Variants in LCORL observed in about 807,000 individuals in gnomAD.
The protein encoded by LCORL is ligand dependent nuclear receptor corepressor like.
A neutral mutation model predicts 141.8 loss-of-function variants in LCORL; 41 were observed. The observed-to-expected ratio is 0.29, with a 90% CI of 0.23 to 0.38. The LOEUF (loss-of-function observed/expected upper bound fraction) is 0.38. LCORL is among the 10% of genes least tolerant of loss of function. The pLI is 1.00. For missense variants in LCORL, 1,759 were observed against 2,035.0 expected (o/e 0.86, Z 2.61); for synonymous variants, 618 against 694.1 (o/e 0.89, Z 1.72).
intron 6 of LCORL, chr4:17,880,613 T>C: frequency 1.0e-6 from 1 of 981,770 alleles, no homozygotes; most frequent in Non-Finnish European, 1.2e-6. Flanking sequence ...TTTCTTTTCT[T>C]TTCTTTTTTT....
chr4:17,893,517 T>A (rs968726898), intron 5 of LCORL: 2 of 985,256 alleles, frequency 2.0e-6, no homozygotes, highest in Non-Finnish European at 2.4e-6. Context: ...GTGTGTTTTG[T>A]GCACAGGTAG....
At chr4:17,981,147 A>C (rs1044698133) in intron 1 of LCORL, among the ~76,000 whole-genome samples, 5 of 152,220 alleles carry the variant, frequency 3.3e-5, no homozygotes, top group African/African-American at 1.2e-4. Context: ...TTGTTATTAC[A>C]AACATTGCTG....
At chr4:17,862,953 G>A (rs757246199) in intron 7 of LCORL, among the ~76,000 whole-genome samples, 1 of 151,966 alleles carries the variant, frequency 6.6e-6, no homozygotes, top group Non-Finnish European at 1.5e-5. Flanking sequence ...CCATGCATCT[G>A]GCAAAGGTCT....
At position 17,871,299 on chromosome 4, in the gene LCORL, A is replaced by C. The variant is rs550588867; in HGVS notation, c.5602+2089T>G. On this transcript the variant is annotated intron_variant, in intron 7 of 7. Coordinates refer to ENST00000635767, the Ensembl canonical transcript of LCORL. The stretch of plus-strand genomic sequence containing the variant: ...GAAAGTTATCAGTGAAAGATAGATA[A>C]AACTTTAAGCAGAACAGGAAATAGT... Among the ~76,000 whole-genome samples the C allele has an allele frequency of 8.5e-5, 13 of 152,108 alleles. No homozygotes were observed. The East Asian group carries it at 2.5e-3, about 29-fold the overall frequency.
In LCORL at chr4:17,874,171, A is replaced by C. The variant is rs527297275; in HGVS notation, c.4819T>G (p.Trp1607Gly). The change falls in exon 7 of 8, where the codon TGG becomes GGG. Residue 1607 changes from tryptophan to glycine, a missense_variant. Coordinates refer to ENST00000635767, the Ensembl canonical transcript of LCORL. ...TTGTGCAGCTTTCCCTCTCTTTTCC[A>C]CCTTTCATGATGCAACCTCTTAAAC... The C allele has an allele frequency of 5.7e-5, 70 of 1,233,738 alleles. No individual in the cohort carries two copies. The African/African-American group carries it at 1.0e-3, about 18-fold the overall frequency. 76.4% of individuals were successfully genotyped at this position (1,233,738 alleles called of 1,614,324 possible). A position where few individuals can be genotyped will look rare whatever the true frequency, so the allele number is the denominator to read the frequency against.
chr4:17,967,219 C>G (rs1715065346), intron 2 of LCORL, among the ~76,000 whole-genome samples: 1 of 151,982 alleles, frequency 6.6e-6, no homozygotes, highest in South Asian at 2.1e-4. Flanking sequence ...ACTTTAGAGA[C>G]CATAAAAAAA....
chr4:17,977,122 T>C (rs1717133149), intron 1 of LCORL, among the ~76,000 whole-genome samples: 1 of 152,194 alleles, frequency 6.6e-6, no homozygotes, highest in South Asian at 2.1e-4. Context: ...ATAGAATAAT[T>C]TTTAGCTTTC....
chr4:17,995,595 C>G (rs1293342605), intron 1 of LCORL, among the ~76,000 whole-genome samples: 10 of 152,020 alleles, frequency 6.6e-5, no homozygotes. Flanking sequence ...AAGTAGAAAC[C>G]AAACTAGTCA....
chr4:17,882,475 C>T (rs1422069658), intron 6 of LCORL: 3 of 984,514 alleles, frequency 3.0e-6, no homozygotes, highest in East Asian at 2.3e-4. Flanking sequence ...AATGACCAGT[C>T]TCTCTTATGA....
rs1021314181 is a variant in LCORL at position 18,021,075 on chromosome 4, T to C, written c.154+523A>G. 6.6e-6 allele frequency among the ~76,000 whole-genome samples: 1 copy of C among 151,790 alleles called. No homozygotes were observed. The highest frequency in any genetic ancestry group is 1.9e-4 in the East Asian group (1 of 5,138). On this transcript the variant is annotated intron_variant, in intron 1 of 7. Transcript: ENST00000635767. This position sits in a 1 kb window ranked among gnomAD's most constrained non-coding sequence, Gnocchi z 5.5. ...GCGGCCCCCGCCCTGCGAGTGCCCGTGGGTCTCCAGGTCCAGGTCCCCGGG... is the reference window on the plus strand; with the variant it reads ...GCGGCCCCCGCCCTGCGAGTGCCCGCGGGTCTCCAGGTCCAGGTCCCCGGG...
At chr4:17,854,636 C>CT (rs938587755) in intron 7 of LCORL, among the ~76,000 whole-genome samples, 1 of 151,598 alleles carries the variant, frequency 6.6e-6, no homozygotes, top group Non-Finnish European at 1.5e-5. Context: ...TGAATAAATC[C>CT]TTTCTTTTGG....
intron 5 of LCORL, among the ~76,000 whole-genome samples, chr4:17,889,191 G>A (rs953634173): frequency 2.0e-5 from 3 of 152,006 alleles, no homozygotes; most frequent in Non-Finnish European, 4.4e-5. Flanking sequence ...ATCTGAATGA[G>A]CTACATATAA....
At chr4:18,008,021 A>T (rs1276151354) in intron 1 of LCORL, among the ~76,000 whole-genome samples, 1 of 152,234 alleles carries the variant, frequency 6.6e-6, no homozygotes, top group Admixed American at 6.5e-5. Context: ...ATTGGCACAG[A>T]TAAGTACAAG....
At chr4:17,954,308 G>A (rs1414132177) in intron 4 of LCORL, among the ~76,000 whole-genome samples, 1 of 152,196 alleles carries the variant, frequency 6.6e-6, no homozygotes, top group East Asian at 1.9e-4. Context: ...TGCACTGGTA[G>A]AAACAGGATT....
intron 6 of LCORL, chr4:17,881,158 CT>C (rs878999700): frequency 0.028 from 17,957 of 650,928 alleles, 1 homozygote; most frequent in Non-Finnish European, 0.031. Context: ...TCTTTTCCTT[CT>C]TTTTTTTTTT....
intron 1 of LCORL, among the ~76,000 whole-genome samples, chr4:18,020,048 AT>A (rs1725237372): frequency 6.6e-6 from 1 of 152,198 alleles, no homozygotes; most frequent in African/African-American, 2.4e-5. Context: ...ACCAAAATAC[AT>A]TTTTCGTAAG....
At chr4:17,993,694 G>A (rs1720435612) in intron 1 of LCORL, among the ~76,000 whole-genome samples, 1 of 152,132 alleles carries the variant, frequency 6.6e-6, no homozygotes, top group South Asian at 2.1e-4. Flanking sequence ...AAGTCTTGAA[G>A]AAGTCAAGAA....
chr4:17,876,415 C>A lies in LCORL; in HGVS notation c.2575G>T (p.Gly859Ter). 1 of 1,230,784 alleles carries A rather than the reference C, an allele frequency of 8.1e-7. No individual in the cohort carries two copies. Among genetic ancestry groups the A allele is most frequent in the Non-Finnish European group, 1.0e-6 (1 of 987,094 alleles). 76.2% of individuals were successfully genotyped at this position (1,230,784 alleles called of 1,614,324 possible). A position where few individuals can be genotyped will look rare whatever the true frequency, so the allele number is the denominator to read the frequency against. Reference sequence around the variant, plus strand: ...ATCAATTTCTTGGATGCTTTATATCCTTCTGATAATGGCTGATTATTCCAG... The same window carrying A: ...ATCAATTTCTTGGATGCTTTATATCATTCTGATAATGGCTGATTATTCCAG... The change falls in exon 7 of 8, where the codon GGA (glycine) becomes TGA (stop). Residue 859 changes from glycine (G) to a stop codon, truncating the protein, a stop_gained. Coordinates refer to ENST00000635767, the Ensembl canonical transcript of LCORL. LOFTEE classifies it high-confidence loss of function.
chr4:17,887,451 G>A (rs939070929), intron 5 of LCORL, among the ~76,000 whole-genome samples: 3 of 152,076 alleles, frequency 2.0e-5, no homozygotes, highest in African/African-American at 7.2e-5. Context: ...TTTGAACAGG[G>A]CCCTGAATAA....
Sources: allele counts gnomAD v4.1 joint callset (sites outside exome capture counted in the v4.1 genomes callset), GRCh38; gene constraint gnomAD v4.1.1; non-coding constraint Gnocchi (gnomAD v3.1); transcripts MANE v1.5; gene names NCBI Gene and HGNC (gene_info 2026-07-23, HGNC 2026-07-21).